The following CABCOCO1 variants were observed in gnomAD, a reference collection of about 807,000 sequenced individuals.
CABCOCO1 encodes the protein ciliary associated calcium binding coiled-coil 1.
In CABCOCO1, 28 loss-of-function variants were observed where a neutral mutation model predicts 35.7. That is an observed-to-expected ratio of 0.78 (90% CI 0.58 to 1.07). The LOEUF is 1.07. Ranked by LOEUF, CABCOCO1 falls within the 50% of genes least tolerant of loss-of-function variation. The probability of loss-of-function intolerance (pLI) is 0.00; values close to 1 mark genes in which losing one functional copy is unlikely to be tolerated. For synonymous variants in CABCOCO1, 95 were observed against 100.1 expected, an observed-to-expected ratio of 0.95 and a Z score of 0.30; for missense variants, 326 against 309.2, an observed-to-expected ratio of 1.05 and a Z score of -0.41.
intron 5 of CABCOCO1, among the ~76,000 whole-genome samples, chr10:61,733,825 G>A (rs75224847): frequency 0.016 from 2,369 of 151,960 alleles, 39 homozygotes; most frequent in East Asian, 0.046. Flanking sequence ...ATGTTAAAGA[G>A]GAGAGAGCAT....
chr10:61,666,468 A>G (rs11815699), intron 1 of CABCOCO1, among the ~76,000 whole-genome samples: 19,892 of 152,130 alleles, frequency 0.13, 1,583 homozygotes, highest in East Asian at 0.2. Context: ...AGCTGTATTT[A>G]TCAGACACTT....
intron 2 of CABCOCO1, among the ~76,000 whole-genome samples, chr10:61,676,091 G>A (rs1839505041): frequency 6.6e-6 from 1 of 152,158 alleles, no homozygotes; most frequent in Non-Finnish European, 1.5e-5. Context: ...GCAAAAATCA[G>A]TGGTGCAACA....
At chr10:61,739,687 C>T (rs1206218291) in intron 5 of CABCOCO1, among the ~76,000 whole-genome samples, 1 of 152,106 alleles carries the variant, frequency 6.6e-6, no homozygotes, top group African/African-American at 2.4e-5. Flanking sequence ...TGCAGTGGCT[C>T]ATGCCTGTAA....
At chr10:61,765,218 T>C (rs893786563) in intron 7 of CABCOCO1, among the ~76,000 whole-genome samples, 1 of 152,152 alleles carries the variant, frequency 6.6e-6, no homozygotes, top group African/African-American at 2.4e-5. Context: ...GTAATTTTAT[T>C]ATCCCTTGTG....
intron 5 of CABCOCO1, among the ~76,000 whole-genome samples, chr10:61,704,335 G>A (rs1308460464): frequency 6.6e-6 from 1 of 152,206 alleles, no homozygotes; most frequent in African/African-American, 2.4e-5. Context: ...CAATATGGCA[G>A]AAATGGCAGA....
intron 5 of CABCOCO1, among the ~76,000 whole-genome samples, chr10:61,748,405 T>C (rs1841711080): frequency 6.6e-6 from 1 of 152,222 alleles, no homozygotes; most frequent in Non-Finnish European, 1.5e-5. Context: ...GACATAAATA[T>C]GTCACATGGA....
intron 5 of CABCOCO1, among the ~76,000 whole-genome samples, chr10:61,700,209 A>C (rs1840413479): frequency 6.6e-6 from 1 of 152,056 alleles, no homozygotes; most frequent in Non-Finnish European, 1.5e-5. Flanking sequence ...AATATTATTG[A>C]CTATATCAAA....
chr10:61,705,008 G>C (rs186969669), intron 5 of CABCOCO1, among the ~76,000 whole-genome samples: 5 of 151,942 alleles, frequency 3.3e-5, no homozygotes, highest in Non-Finnish European at 7.4e-5. Context: ...TCTGTTCATA[G>C]TATAAGCAAA....
At chr10:61,691,266 C>A (rs921741923) in intron 5 of CABCOCO1, among the ~76,000 whole-genome samples, 6 of 152,096 alleles carry the variant, frequency 3.9e-5, no homozygotes, top group African/African-American at 1.4e-4. Context: ...CAGTAATTTT[C>A]TTGAAGACAA....
rs189294798 is a variant in CABCOCO1, at chr10:61,756,911, A to C, written c.553-3148A>C. On this transcript the variant is annotated intron_variant, in intron 5 of 7. Coordinates refer to ENST00000648843, the MANE Select transcript of CABCOCO1 (RefSeq NM_001366906.2). ...ACTTTTGAGGAAAAAAAAATGAGAC[A>C]ATTACAATTCTACAGGAATGTATAA... Among the ~76,000 whole-genome samples the C allele has an allele frequency of 3.7e-3, 563 of 152,184 alleles. 4 individuals are homozygous for C. The highest frequency in any genetic ancestry group is 0.013 in the African/African-American group (540 of 41,554).
At chr10:61,738,582 AC>A (rs1841477320) in intron 5 of CABCOCO1, among the ~76,000 whole-genome samples, 1 of 152,210 alleles carries the variant, frequency 6.6e-6, no homozygotes, top group African/African-American at 2.4e-5. Context: ...TAAATTCAAA[AC>A]ATCTTAATGA....
chr10:61,724,190 A>G (rs1841088830), intron 5 of CABCOCO1, among the ~76,000 whole-genome samples: 1 of 152,234 alleles, frequency 6.6e-6, no homozygotes, highest in Admixed American at 6.5e-5. Context: ...TACTTTCTTC[A>G]TTGATAGAAA....
chr10:61,673,485 A>T (rs773860394), intron 2 of CABCOCO1, among the ~76,000 whole-genome samples: 5 of 152,242 alleles, frequency 3.3e-5, no homozygotes, highest in Admixed American at 6.5e-5. Context: ...TCTGCAGGCC[A>T]GTCCTTGGGA....
intron 5 of CABCOCO1, among the ~76,000 whole-genome samples, chr10:61,709,225 G>T (rs1840667536): frequency 6.6e-6 from 1 of 152,132 alleles, no homozygotes; most frequent in South Asian, 2.1e-4. Context: ...GTTTGGACAG[G>T]TTCCTCAAAA....
intron 7 of CABCOCO1, among the ~76,000 whole-genome samples, chr10:61,761,669 T>G (rs1373521): frequency 0.17 from 25,735 of 152,116 alleles, 2,680 homozygotes; most frequent in East Asian, 0.55. Context: ...AATGTATATT[T>G]TGAGTACATT....
Position 61,681,280 on chromosome 10 carries a change from CTT to C in CABCOCO1, c.304_305del (p.Leu102ThrfsTer9). The stretch of plus-strand genomic sequence containing the variant: ...ATTATTCAGTATTCAAAATTTATGA[CTT>C]TACTAGCTATGTCACTTCAAAATCT... On this transcript the variant is annotated frameshift_variant, in exon 3 of 8. Coordinates refer to ENST00000648843, the MANE Select transcript of CABCOCO1 (RefSeq NM_001366906.2). LOFTEE classifies it high-confidence loss of function. The C allele has an allele frequency of 4.5e-6, 7 of 1,565,894 alleles. No individual in the cohort carries two copies. The highest frequency in any genetic ancestry group is 6.1e-6 in the Non-Finnish European group (7 of 1,148,040).
intron 7 of CABCOCO1, among the ~76,000 whole-genome samples, chr10:61,761,224 T>TA (rs1478429585): frequency 6.6e-6 from 1 of 151,842 alleles, no homozygotes; most frequent in South Asian, 2.1e-4. Flanking sequence ...TGTTATCAGT[T>TA]AAAAAAATCA....
chr10:61,664,438 A>T (rs1272642008), intron 1 of CABCOCO1, among the ~76,000 whole-genome samples: 1 of 151,592 alleles, frequency 6.6e-6, no homozygotes, highest in Non-Finnish European at 1.5e-5. Flanking sequence ...GATGTAAAGA[A>T]GTGCTATGCT....
chr10:61,727,953 TA>T (rs1841199546), intron 5 of CABCOCO1, among the ~76,000 whole-genome samples: 1 of 152,220 alleles, frequency 6.6e-6, no homozygotes, highest in Non-Finnish European at 1.5e-5. Context: ...CAAAGTGTTT[TA>T]TCAATGCCTG....
Sources: gnomAD v4.1 joint callset for allele counts (sites outside exome capture counted in the v4.1 genomes callset) on GRCh38, gnomAD v4.1.1 for gene constraint, MANE v1.5 for transcripts, NCBI Gene and HGNC (gene_info 2026-07-23, HGNC 2026-07-21) for gene names.